The following MAP3K4 variants were observed in gnomAD, a reference collection of about 807,000 sequenced individuals.
MAP3K4 encodes MAP three kinase 1.
Under a neutral mutation model 185.6 loss-of-function variants are expected in MAP3K4, and 67 were observed. The observed-to-expected ratio is 0.36, with a 90% CI of 0.30 to 0.44. The LOEUF (loss-of-function observed/expected upper bound fraction) is 0.44. MAP3K4 is among the 20% of genes least tolerant of loss of function. The probability of loss-of-function intolerance (pLI) is 1.00; values close to 1 mark genes in which losing one functional copy is unlikely to be tolerated. For synonymous variants in MAP3K4, 702 were observed against 710.4 expected (o/e 0.99, Z 0.19); for missense variants, 1,551 against 1,995.1 (o/e 0.78, Z 4.24).
rs542228176 is a variant in MAP3K4 at position 161,086,716 on chromosome 6, A to G, written c.2556+49A>G. The G allele has an allele frequency of 1.4e-5, 21 of 1,485,636 alleles. 1 individual carries two copies. In the South Asian group the frequency reaches 2.5e-4, roughly 18 times the overall value. 92.0% of individuals were successfully genotyped at this position (1,485,636 alleles called of 1,614,324 possible). A position where few individuals can be genotyped will look rare whatever the true frequency, so the allele number is the denominator to read the frequency against. On this transcript the variant is annotated intron_variant, in intron 9 of 26. Coordinates refer to ENST00000392142, the MANE Select transcript of MAP3K4 (RefSeq NM_005922.4). The surrounding 1 kb of genome is among the most constrained non-coding windows in gnomAD (Gnocchi z 4.8). ...TGAAACATTTTGCCTTTCCTTCTTT[A>G]TTCTAAAACAGGCAGACTTTTTCTT...
chr6:161,042,036 G>T (rs190447342), intron 2 of MAP3K4, among the ~76,000 whole-genome samples: 1 of 149,042 alleles, frequency 6.7e-6, no homozygotes, highest in East Asian at 2.0e-4. Context: ...GACCCTCCTG[G>T]TGCGTGTCAC....
At chr6:161,052,559 T>C (rs1190846738) in intron 3 of MAP3K4, among the ~76,000 whole-genome samples, 1 of 152,234 alleles carries the variant, frequency 6.6e-6, no homozygotes, top group Non-Finnish European at 1.5e-5. Context: ...TGCTAAGTGT[T>C]CATCAGATAA....
At chr6:161,000,570 G>C (rs1781219664) in intron 1 of MAP3K4, among the ~76,000 whole-genome samples, 1 of 152,160 alleles carries the variant, frequency 6.6e-6, no homozygotes, top group East Asian at 1.9e-4. Context: ...AATTGGGATT[G>C]GCATTATGTG....
In MAP3K4 at chr6:161,022,450, A is replaced by G. The variant is rs1449220381; in HGVS notation, c.153-11809A>G. ...GGATGGTTAAAAAGCTTCACCAAAG[A>G]TGTGAGTCCTAGAGCGGACCAGAGA... On this transcript the variant is annotated intron_variant, in intron 1 of 26. Coordinates refer to ENST00000392142, the MANE Select transcript of MAP3K4 (RefSeq NM_005922.4). The surrounding 1 kb of genome is among the most constrained non-coding windows in gnomAD (Gnocchi z 4.2). 6.6e-6 allele frequency among the ~76,000 whole-genome samples: 1 copy of G among 152,226 alleles called. No individual in the cohort carries two copies. The highest frequency in any genetic ancestry group is 1.5e-5 in the Non-Finnish European group (1 of 68,044).
intron 3 of MAP3K4, among the ~76,000 whole-genome samples, chr6:161,069,624 A>T (rs1784847967): frequency 3.3e-5 from 5 of 152,128 alleles, no homozygotes; most frequent in Admixed American, 3.3e-4. Context: ...ATCATTCATG[A>T]ATGCAGCAAC....
rs1347067294 is a variant in MAP3K4, at chr6:161,084,671, T to G, written c.2372+54T>G. The G allele has an allele frequency of 3.8e-6, 4 of 1,055,372 alleles. No individual in the cohort carries two copies. In the East Asian group the frequency reaches 9.5e-5, roughly 25 times the overall value. 65.4% of individuals were successfully genotyped at this position (1,055,372 alleles called of 1,614,324 possible). A position where few individuals can be genotyped will look rare whatever the true frequency, so the allele number is the denominator to read the frequency against. ...ACTTCTTATCTCGTAGTTTCCTTCC[T>G]CATGGTGAGATCCTAGAAGGAGCCT... On this transcript the variant is annotated intron_variant, in intron 7 of 26. Transcript: ENST00000392142. The surrounding 1 kb of genome is among the most constrained non-coding windows in gnomAD (Gnocchi z 4.6).
In MAP3K4 at chr6:161,053,615, A is replaced by C. The variant is rs954065748; in HGVS notation, c.1707+3636A>C. Among the ~76,000 whole-genome samples the C allele has an allele frequency of 1.3e-5, 2 of 152,184 alleles. No individual in the cohort carries two copies. Among genetic ancestry groups the C allele is most frequent in the Non-Finnish European group, 1.5e-5 (1 of 68,034 alleles). ...TTGTTTGTTTGTTTGTTTTTGAGAC[A>C]AAGTCTCATTCTGTTTCCTAGGCTG... On this transcript the variant is annotated intron_variant, in intron 3 of 26. Coordinates refer to ENST00000392142, the MANE Select transcript of MAP3K4 (RefSeq NM_005922.4). The surrounding 1 kb of genome is among the most constrained non-coding windows in gnomAD (Gnocchi z 4.2).
chr6:161,093,041 A>G lies in MAP3K4; in HGVS notation c.3333A>G (p.Pro1111=), dbSNP rs775244396. The change falls in exon 14 of 27, where the codon CCA becomes CCG. Residue 1111 remains proline (P), a synonymous_variant. Coordinates refer to ENST00000392142, the MANE Select transcript of MAP3K4 (RefSeq NM_005922.4). The surrounding 1 kb of genome is among the most constrained non-coding windows in gnomAD (Gnocchi z 5.2). ...AACCTGCCTTTATTTCAGCTTTACC[A>G]GAAGATGACTTCTTGGTATGGATTA... ...AIEPAFISAL[P]EDDFLSLQAL... 1 of 1,612,462 alleles carries G rather than the reference A, an allele frequency of 6.2e-7. No homozygotes were observed. The highest frequency in any genetic ancestry group is 8.5e-7 in the Non-Finnish European group (1 of 1,178,710).
intron 2 of MAP3K4, among the ~76,000 whole-genome samples, chr6:161,046,586 G>A (rs957042422): frequency 8.6e-5 from 13 of 151,648 alleles, no homozygotes; most frequent in Non-Finnish European, 1.5e-4. Flanking sequence ...GGACAGATTG[G>A]TTTAAAACCT....
chr6:161,106,548 C>T lies in MAP3K4; in HGVS notation c.3891C>T (p.Ile1297=), dbSNP rs1308512066. 1 of 1,612,864 alleles carries T rather than the reference C, an allele frequency of 6.2e-7. No individual in the cohort carries two copies. The highest frequency in any genetic ancestry group is 8.5e-7 in the Non-Finnish European group (1 of 1,179,444). Residue 1297 remains isoleucine (I), a synonymous_variant, in exon 20 of 27, where the codon ATC becomes ATT. Coordinates refer to ENST00000392142, the MANE Select transcript of MAP3K4 (RefSeq NM_005922.4). This position sits in a 1 kb window ranked among gnomAD's most constrained non-coding sequence, Gnocchi z 4.9. ...TASKLGPIEA[I]QKSVRLFEEK... ...CTAAACTAGGACCCATAGAAGCTATCCAGAAGTCAGTCCGATTGTTTGAAG... is the reference window on the plus strand; with the variant it reads ...CTAAACTAGGACCCATAGAAGCTATTCAGAAGTCAGTCCGATTGTTTGAAG...
At chr6:161,000,755 ATC>A (rs1781231863) in intron 1 of MAP3K4, among the ~76,000 whole-genome samples, 1 of 151,472 alleles carries the variant, frequency 6.6e-6, no homozygotes, top group East Asian at 1.9e-4. Context: ...GTGTACACCC[ATC>A]TGTATACACA....
At chr6:161,092,253 C>CT (rs1247060771) in intron 13 of MAP3K4, 110 bp downstream of exon 13, 1 of 1,158,794 alleles carries the variant, frequency 8.6e-7, no homozygotes, top group African/African-American at 1.5e-5. Context: ...AGGGAACACT[C>CT]TAAACTCTTC....
intron 2 of MAP3K4, among the ~76,000 whole-genome samples, chr6:161,046,563 A>C (rs1286548375): frequency 6.6e-6 from 1 of 151,798 alleles, no homozygotes; most frequent in Non-Finnish European, 1.5e-5. Flanking sequence ...AAAATACAGC[A>C]AAAAATCTCT....
chr6:161,095,917 A>T (rs1380129391), intron 15 of MAP3K4, among the ~76,000 whole-genome samples: 1 of 152,178 alleles, frequency 6.6e-6, no homozygotes, highest in Non-Finnish European at 1.5e-5. Flanking sequence ...TGGTTTTTTA[A>T]ACAGAATGTC....
At chr6:161,026,877 A>C (rs2115137103) in intron 1 of MAP3K4, among the ~76,000 whole-genome samples, 1 of 151,802 alleles carries the variant, frequency 6.6e-6, no homozygotes, top group African/African-American at 2.4e-5. Context: ...GAAAGCCTTC[A>C]TCTGAATTAT....
intron 1 of MAP3K4, chr6:160,992,302 C>G (rs988359062): frequency 8.6e-6 from 5 of 579,940 alleles, no homozygotes; most frequent in Non-Finnish European, 2.9e-6. Flanking sequence ...CCGCAGGGTT[C>G]CGCTCGAGCG....
At position 161,112,553 on chromosome 6, in the gene MAP3K4, C is replaced by T. The variant is rs1387950638; in HGVS notation, c.4520-115C>T. ...CTGTCTGTAAATTTTTGATATTTCC[C>T]ATTACCTAATGCAGGAAGATAATAT... On this transcript the variant is annotated intron_variant, in intron 24 of 26. Coordinates refer to ENST00000392142, the MANE Select transcript of MAP3K4 (RefSeq NM_005922.4). The surrounding 1 kb of genome is among the most constrained non-coding windows in gnomAD (Gnocchi z 5.1). 2 of 645,646 alleles carry T rather than the reference C, an allele frequency of 3.1e-6. No individual in the cohort carries two copies. The highest frequency in any genetic ancestry group is 2.4e-6 in the Non-Finnish European group (1 of 422,088). 40.0% of individuals were successfully genotyped at this position (645,646 alleles called of 1,614,324 possible).
At chr6:161,000,793 ACATGTGTACACC>A (rs1176778076) in intron 1 of MAP3K4, among the ~76,000 whole-genome samples, 1 of 148,622 alleles carries the variant, frequency 6.7e-6, no homozygotes, top group Non-Finnish European at 1.5e-5. Flanking sequence ...ATATATACAC[ACATGTGTACACC>A]CATATATACA....
At chr6:161,020,224 A>C (rs931454796) in intron 1 of MAP3K4, among the ~76,000 whole-genome samples, 1 of 152,132 alleles carries the variant, frequency 6.6e-6, no homozygotes, top group African/African-American at 2.4e-5. Flanking sequence ...TTTTTGTGTC[A>C]TAAACTGCAT....
Sources: allele counts gnomAD v4.1 joint callset (sites outside exome capture counted in the v4.1 genomes callset), GRCh38; gene constraint gnomAD v4.1.1; non-coding constraint Gnocchi (gnomAD v3.1); transcripts MANE v1.5; gene names NCBI Gene and HGNC (gene_info 2026-07-23, HGNC 2026-07-21).